Variants in SCGB2A2 observed in about 807,000 individuals in gnomAD.
SCGB2A2 encodes mammaglobin-A.
SCGB2A2 carries 11 observed loss-of-function variants against 8.8 expected under a neutral mutation model. That is an observed-to-expected ratio of 1.25 (90% CI 0.79 to 2.07). The LOEUF (loss-of-function observed/expected upper bound fraction) is 2.07, where lower values mean the gene tolerates loss of function less well. Ranked by LOEUF, SCGB2A2 falls within the 30% of genes most tolerant of loss-of-function variation. SCGB2A2 has a pLI of 0.00. For missense variants in SCGB2A2, 113 were observed against 109.9 expected, an observed-to-expected ratio of 1.03 and a Z score of -0.13; for synonymous variants, 42 against 40.9, an observed-to-expected ratio of 1.03 and a Z score of -0.10.
Position 62,273,076 on chromosome 11 carries a change from C to T in SCGB2A2, c.*81C>T, listed in dbSNP as rs1321152075. 2.1e-6 allele frequency: 2 copies of T among 940,110 alleles called. No individual in the cohort carries two copies. Among genetic ancestry groups the T allele is most frequent in the Non-Finnish European group, 3.3e-6 (2 of 607,546 alleles). The allele number at this position is 940,110 out of a possible 1,614,324, so 58.2% of individuals were successfully genotyped here. ...CGGATTGCTGCAAACCACACCTTCTCTTTCTTATGTCTTTTTACTACAAAC... is the reference window on the plus strand; with the variant it reads ...CGGATTGCTGCAAACCACACCTTCTTTTTCTTATGTCTTTTTACTACAAAC... On this transcript the variant is annotated 3_prime_UTR_variant, in exon 3 of 3. Coordinates refer to ENST00000227918, the MANE Select transcript of SCGB2A2 (RefSeq NM_002411.4).
intron 2 of SCGB2A2, 28 bp from the exon 3 acceptor site, chr11:62,272,929 A>G: frequency 6.4e-7 from 1 of 1,556,110 alleles, no homozygotes; most frequent in Non-Finnish European, 8.8e-7. Context: ...CAGAAAATCT[A>G]AGTGATGTCT....
chr11:62,270,994 A>C lies in SCGB2A2; in HGVS notation c.169A>C (p.Asn57His). The C allele has an allele frequency of 1.2e-6, 2 of 1,614,150 alleles. No homozygotes were observed. The highest frequency in any genetic ancestry group is 2.2e-5 in the South Asian group (2 of 91,086). The change falls in exon 2 of 3, where the codon AAT becomes CAT. Residue 57 changes from asparagine to histidine, a missense_variant. Physicochemically the swap from Asn to His is moderately conservative, Grantham distance 68 (BLOSUM62 1). Transcript: ENST00000227918. Reference protein sequence around the residue: ...QEFIDDNATTNAIDELKECFL... With the variant: ...QEFIDDNATTHAIDELKECFL... ...GTTCATAGACGACAATGCCACTACA[A>C]ATGCCATAGATGAATTGAAGGAATG...
At chr11:62,272,348 G>A (rs1328677348) in intron 2 of SCGB2A2, among the ~76,000 whole-genome samples, 2 of 151,956 alleles carry the variant, frequency 1.3e-5, no homozygotes, top group Non-Finnish European at 2.9e-5. Flanking sequence ...GTGCAAAACA[G>A]TAATATTCTG....
At chr11:62,270,800 G>C in intron 1 of SCGB2A2, 81 bp from the exon 2 acceptor site, 1 of 1,004,504 alleles carries the variant, frequency 1.0e-6, no homozygotes. Flanking sequence ...TGGGCTGTAA[G>C]AAGATGAGGA....
At chr11:62,271,466 GA>G (rs1565134139) in intron 2 of SCGB2A2, 15 of 1,320,274 alleles carry the variant, frequency 1.1e-5, no homozygotes, top group Non-Finnish European at 1.4e-5. Flanking sequence ...CACACATTCA[GA>G]CATACACAAA....
rs755754261 is a variant in SCGB2A2 at position 62,273,038 on chromosome 11, G to T, written c.*43G>T. On this transcript the variant is annotated 3_prime_UTR_variant, in exon 3 of 3. Coordinates refer to ENST00000227918, the MANE Select transcript of SCGB2A2 (RefSeq NM_002411.4). ...GGCTCACAGAACTGCAGGGTATGGTGAGAAACCAACTACGGATTGCTGCAA... is the reference window on the plus strand; with the variant it reads ...GGCTCACAGAACTGCAGGGTATGGTTAGAAACCAACTACGGATTGCTGCAA... The T allele has an allele frequency of 2.7e-6, 4 of 1,494,418 alleles. No individual in the cohort carries two copies. The African/African-American group carries it at 5.6e-5, about 21-fold the overall frequency. The allele number at this position is 1,494,418 out of a possible 1,614,324, so 92.6% of individuals were successfully genotyped here.
Position 62,270,283 on chromosome 11 carries a change from G to C in SCGB2A2, c.55+12G>C. The C allele has an allele frequency of 6.2e-7, 1 of 1,613,016 alleles. No individual in the cohort carries two copies. Among genetic ancestry groups the C allele is most frequent in the African/African-American group, 1.3e-5 (1 of 75,034 alleles). The stretch of plus-strand genomic sequence containing the variant: ...GCACTGCTACGCAGGTGAGTTCTGT[G>C]CAGGGAGGGCTGCCTCGGGGTTAGG... On this transcript the variant is annotated intron_variant, in intron 1 of 2. Transcript: ENST00000227918.
At chr11:62,272,542 C>T (rs2134503381) in intron 2 of SCGB2A2, among the ~76,000 whole-genome samples, 1 of 152,094 alleles carries the variant, frequency 6.6e-6, no homozygotes, top group Middle Eastern at 3.4e-3. Flanking sequence ...TAGTCTGCAG[C>T]TCCAATAATT....
Position 62,271,059 on chromosome 11 carries a change from G to A in SCGB2A2, c.234G>A (p.Glu78=), listed in dbSNP as rs138798780. 11 of 1,614,050 alleles carry A rather than the reference G, an allele frequency of 6.8e-6. No individual in the cohort carries two copies. The African/African-American group carries it at 1.1e-4, about 16-fold the overall frequency. ...NQTDETLSNV[E]VFMQLIYDSS... is the part of the protein sequence containing the mutation. ...CGGATGAAACTCTGAGCAATGTTGA[G>A]GTGTTTATGGTAATTTCATTTTCTT... is the stretch of plus-strand genomic sequence containing the variant. Residue 78 remains glutamate, a synonymous_variant, in exon 2 of 3, where the codon GAG becomes GAA. Coordinates refer to ENST00000227918, the MANE Select transcript of SCGB2A2 (RefSeq NM_002411.4).
intron 2 of SCGB2A2, chr11:62,271,474 C>T: frequency 7.7e-7 from 1 of 1,297,168 alleles, no homozygotes; most frequent in Non-Finnish European, 9.8e-7. Context: ...CAGACATACA[C>T]AAACATAGAC....
chr11:62,271,674 G>A lies in SCGB2A2; in HGVS notation c.243+606G>A, dbSNP rs557622922. 1.6e-4 allele frequency: 155 copies of A among 991,446 alleles called. No homozygotes were observed. The African/African-American group carries it at 2.1e-3, about 13-fold the overall frequency. The allele number at this position is 991,446 out of a possible 1,614,324, so 61.4% of individuals were successfully genotyped here. ...GAAAAAACAATTTTCCAGAAGACCC[G>A]CACCTATAGACCAATCTGCAGAGAA... On this transcript the variant is annotated intron_variant, in intron 2 of 2. Coordinates refer to ENST00000227918, the MANE Select transcript of SCGB2A2 (RefSeq NM_002411.4).
chr11:62,272,176 T>C, intron 2 of SCGB2A2: 1 of 192,216 alleles, frequency 5.2e-6, no homozygotes, highest in Non-Finnish European at 9.1e-6. Context: ...GAGTGAAGAG[T>C]GAAGCAAAGA....
At chr11:62,271,127 C>T (rs756292616) in intron 2 of SCGB2A2, 59 bp downstream of exon 2, 4 of 1,611,686 alleles carry the variant, frequency 2.5e-6, no homozygotes, top group Non-Finnish European at 3.4e-6. Flanking sequence ...CAAGTGGGCT[C>T]TTCATTTCTC....
chr11:62,273,155 C>T lies in SCGB2A2; in HGVS notation c.*160C>T. The T allele has an allele frequency of 1.9e-6, 1 of 519,520 alleles. No individual in the cohort carries two copies. The highest frequency in any genetic ancestry group is 3.3e-6 in the Non-Finnish European group (1 of 300,468). 32.2% of individuals were successfully genotyped at this position (519,520 alleles called of 1,614,324 possible). ...CATGTTTATTTTAATAAATTGATGG[C>T]AAAAACTGAAGTTTCTCTTTGTTCT... On this transcript the variant is annotated 3_prime_UTR_variant, in exon 3 of 3. Coordinates refer to ENST00000227918, the MANE Select transcript of SCGB2A2 (RefSeq NM_002411.4).
intron 2 of SCGB2A2, chr11:62,271,423 A>G: frequency 7.2e-7 from 1 of 1,397,248 alleles, no homozygotes; most frequent in Non-Finnish European, 9.3e-7. Context: ...ACACATGCAA[A>G]CACACAGACA....
chr11:62,271,007 A>G lies in SCGB2A2; in HGVS notation c.182A>G (p.Glu61Gly). Residue 61 changes from glutamate (E) to glycine (G), a missense_variant, in exon 2 of 3, where the codon GAA (glutamate) becomes GGA (glycine). Glu to Gly is a moderately conservative substitution (Grantham distance 98, BLOSUM62 -2). Transcript: ENST00000227918. The part of the protein sequence containing the change: ...DDNATTNAID[E>G]LKECFLNQTD... Reference sequence around the variant, plus strand: ...AATGCCACTACAAATGCCATAGATGAATTGAAGGAATGTTTTCTTAACCAA... The same window carrying G: ...AATGCCACTACAAATGCCATAGATGGATTGAAGGAATGTTTTCTTAACCAA... 6.2e-7 allele frequency: 1 copy of G among 1,614,188 alleles called. No individual in the cohort carries two copies. The highest frequency in any genetic ancestry group is 8.5e-7 in the Non-Finnish European group (1 of 1,180,008).
chr11:62,270,939 T>G lies in SCGB2A2; in HGVS notation c.114T>G (p.Ser38=). 4 of 1,614,162 alleles carry G rather than the reference T, an allele frequency of 2.5e-6. No homozygotes were observed. Among genetic ancestry groups the G allele is most frequent in the Non-Finnish European group, 3.4e-6 (4 of 1,180,014 alleles). Residue 38 remains serine (S), a synonymous_variant, in exon 2 of 3, where the codon TCT becomes TCG. Transcript: ENST00000227918. ...CCAAGACAATCAATCCACAAGTGTC[T>G]AAGACTGAATACAAAGAACTTCTTC... ...VISKTINPQV[S]KTEYKELLQE...
At chr11:62,270,324 C>T (rs1338692353) in intron 1 of SCGB2A2, 53 bp downstream of exon 1, 6 of 1,540,566 alleles carry the variant, frequency 3.9e-6, no homozygotes, top group South Asian at 3.3e-5. Context: ...TCACTTGGGC[C>T]TCTATGGAAG....
chr11:62,272,854 G>T, intron 2 of SCGB2A2, 103 bp from the exon 3 acceptor site: 2 of 804,296 alleles, frequency 2.5e-6, no homozygotes, highest in Non-Finnish European at 4.0e-6. Context: ...ATGCTAGATG[G>T]TTGTGGGCAA....
Sources: gnomAD v4.1 joint callset for allele counts (sites outside exome capture counted in the v4.1 genomes callset) on GRCh38, gnomAD v4.1.1 for gene constraint, MANE v1.5 for transcripts, NCBI Gene and HGNC (gene_info 2026-07-23, HGNC 2026-07-21) for gene names.